GLG1: variants seen among roughly 807,000 people sequenced by gnomAD.
GLG1 encodes the protein Golgi apparatus protein 1.
In GLG1, 38 loss-of-function variants were observed where a neutral mutation model predicts 160.5. The observed-to-expected ratio is 0.24, with a 90% CI of 0.18 to 0.31. GLG1 has a LOEUF of 0.31. GLG1 is among the 10% of genes least tolerant of loss of function. The pLI, the probability that GLG1 is intolerant of heterozygous loss-of-function variation, is 1.00. For missense variants in GLG1, 1,373 were observed against 1,505.2 expected (o/e 0.91, Z 1.45); for synonymous variants, 644 against 543.4 (o/e 1.19, Z -2.57).
rs2017667827 is a variant in GLG1 at position 74,535,632 on chromosome 16, C to T, written c.439-3479G>A. ...AAATTTTATTGTACAGACCGGGTCTCGCTATGTTGCCTAGGCTGATCTCAA... is the reference window on the plus strand; with the variant it reads ...AAATTTTATTGTACAGACCGGGTCTTGCTATGTTGCCTAGGCTGATCTCAA... On this transcript the variant is annotated intron_variant, in intron 1 of 25. Transcript: ENST00000422840. Among the ~76,000 whole-genome samples the T allele has an allele frequency of 4.6e-5, 7 of 152,108 alleles. 1 individual carries two copies. In the South Asian group the frequency reaches 1.5e-3, roughly 32 times the overall value.
At chr16:74,544,328 T>C (rs2017983101) in intron 1 of GLG1, among the ~76,000 whole-genome samples, 2 of 152,320 alleles carry the variant, frequency 1.3e-5, no homozygotes, top group Middle Eastern at 3.4e-3. Context: ...GTTTTGTTGT[T>C]TTGAGACAGA....
chr16:74,495,863 A>G (rs1012118276), intron 5 of GLG1, among the ~76,000 whole-genome samples: 1 of 152,230 alleles, frequency 6.6e-6, no homozygotes, highest in Non-Finnish European at 1.5e-5. Flanking sequence ...ATCAAGGTTG[A>G]GCATCCAGTT....
At chr16:74,520,736 T>C (rs2017137261) in intron 2 of GLG1, among the ~76,000 whole-genome samples, 1 of 152,194 alleles carries the variant, frequency 6.6e-6, no homozygotes, top group African/African-American at 2.4e-5. Context: ...GGATATCATT[T>C]TTCGGTAAGC....
chr16:74,497,673 G>A (rs372015872), intron 4 of GLG1, among the ~76,000 whole-genome samples: 42 of 152,122 alleles, frequency 2.8e-4, no homozygotes, highest in African/African-American at 1.0e-3. Context: ...TCCTGACCTC[G>A]TGATCCGCCC....
intron 2 of GLG1, among the ~76,000 whole-genome samples, chr16:74,520,633 T>C (rs1383331568): frequency 6.6e-6 from 1 of 152,096 alleles, no homozygotes; most frequent in Non-Finnish European, 1.5e-5. Context: ...CGAAACTCCA[T>C]CTCAAACGAC....
chr16:74,529,809 G>GTTTTTTT lies in GLG1; in HGVS notation c.471+2311_471+2312insAAAAAAA, dbSNP rs201693911. On this transcript the variant is annotated intron_variant, in intron 2 of 25. Transcript: ENST00000422840. The stretch of plus-strand genomic sequence containing the variant: ...CTTCCTATTCCTTGGCTCTTTGAGA[G>GTTTTTTT]TTCTTTTTTTTTTTTTTTTTTTTTT... Among the ~76,000 whole-genome samples the GTTTTTTT allele has an allele frequency of 2.2e-3, 224 of 104,064 alleles. 22 individuals carry two copies. Among genetic ancestry groups the GTTTTTTT allele is most frequent in the Admixed American group, 3.2e-3 (25 of 7,744 alleles). 68.3% of individuals were successfully genotyped at this position (104,064 alleles called of 152,430 possible). A position where few individuals can be genotyped will look rare whatever the true frequency, so the allele number is the denominator to read the frequency against.
intron 1 of GLG1, among the ~76,000 whole-genome samples, chr16:74,560,872 A>T (rs1029167075): frequency 3.9e-5 from 6 of 152,178 alleles, no homozygotes; most frequent in Non-Finnish European, 7.4e-5. Context: ...GAGAGAAGCA[A>T]TTCTGTATAT....
At chr16:74,604,113 C>T (rs1958507905) in intron 1 of GLG1, among the ~76,000 whole-genome samples, 1 of 152,092 alleles carries the variant, frequency 6.6e-6, no homozygotes, top group Non-Finnish European at 1.5e-5. Context: ...CTCTCAAACC[C>T]AGAAGACTGA....
chr16:74,518,552 A>G (rs1159180570), intron 2 of GLG1, among the ~76,000 whole-genome samples: 1 of 152,240 alleles, frequency 6.6e-6, no homozygotes, highest in Admixed American at 6.5e-5. Flanking sequence ...AATAAACTCA[A>G]GATGGATCAA....
In GLG1 at chr16:74,594,479, A is replaced by C. The variant is rs535529637; in HGVS notation, c.438+12178T>G. Among the ~76,000 whole-genome samples, 7 of 152,332 alleles carry C rather than the reference A, an allele frequency of 4.6e-5. No individual in the cohort carries two copies. The South Asian group carries it at 1.2e-3, about 27-fold the overall frequency. On this transcript the variant is annotated intron_variant, in intron 1 of 25. Coordinates refer to ENST00000422840, the MANE Select transcript of GLG1 (RefSeq NM_001145667.2). Reference sequence around the variant, plus strand: ...TCTTAAGTCATTGTTTTTAGATTCCAGTCCACACTCCTTGTTCCTTCACAC... The same window carrying C: ...TCTTAAGTCATTGTTTTTAGATTCCCGTCCACACTCCTTGTTCCTTCACAC...
chr16:74,582,828 TAAATA>T (rs144626583), intron 1 of GLG1, among the ~76,000 whole-genome samples: 21,191 of 147,180 alleles, frequency 0.14, 1,561 homozygotes, highest in Middle Eastern at 0.18. Flanking sequence ...CTCAAAAAAA[TAAATA>T]AAATAAAATA....
intron 1 of GLG1, among the ~76,000 whole-genome samples, chr16:74,580,853 C>T (rs989468581): frequency 6.6e-6 from 1 of 152,066 alleles, no homozygotes; most frequent in African/African-American, 2.4e-5. Context: ...CAAGGATCAC[C>T]TGAGGTCAGG....
intron 1 of GLG1, among the ~76,000 whole-genome samples, chr16:74,585,086 C>A (rs1958017783): frequency 6.6e-6 from 1 of 151,240 alleles, no homozygotes; most frequent in African/African-American, 2.4e-5. Context: ...AAAACCCTAT[C>A]TTTAAATCGC....
At chr16:74,518,555 T>C (rs1025429096) in intron 2 of GLG1, among the ~76,000 whole-genome samples, 1 of 152,090 alleles carries the variant, frequency 6.6e-6, no homozygotes, top group Non-Finnish European at 1.5e-5. Flanking sequence ...AAACTCAAGA[T>C]GGATCAAAGG....
At chr16:74,554,837 G>T (rs1425263387) in intron 1 of GLG1, among the ~76,000 whole-genome samples, 1 of 152,088 alleles carries the variant, frequency 6.6e-6, no homozygotes, top group African/African-American at 2.4e-5. Flanking sequence ...CCCAAATAAA[G>T]ATCACACACT....
At chr16:74,482,079 C>T (rs1181597226) in intron 10 of GLG1, among the ~76,000 whole-genome samples, 1 of 152,030 alleles carries the variant, frequency 6.6e-6, no homozygotes, top group East Asian at 1.9e-4. Context: ...TGAGCCACCG[C>T]GCCCGGTTCA....
chr16:74,463,670 G>A (rs751847692), intron 19 of GLG1, among the ~76,000 whole-genome samples, 191 bp from the exon 20 acceptor site: 1 of 151,978 alleles, frequency 6.6e-6, no homozygotes, highest in Non-Finnish European at 1.5e-5. Context: ...TCCCAAGTCA[G>A]CCTCCTGAGT....
chr16:74,479,473 C>T (rs1053937858), intron 11 of GLG1, among the ~76,000 whole-genome samples: 1 of 151,376 alleles, frequency 6.6e-6, no homozygotes, highest in Admixed American at 6.6e-5. Context: ...CAAATTCCCA[C>T]GTTTTCTCAC....
At chr16:74,507,842 T>C (rs1040133792) in intron 3 of GLG1, among the ~76,000 whole-genome samples, 7 of 152,210 alleles carry the variant, frequency 4.6e-5, no homozygotes, top group Non-Finnish European at 7.4e-5. Flanking sequence ...AGTTCAGTTA[T>C]TAAGCAAACA....
Sources: gnomAD v4.1 joint callset for allele counts (sites outside exome capture counted in the v4.1 genomes callset) on GRCh38, gnomAD v4.1.1 for gene constraint, MANE v1.5 for transcripts, NCBI Gene and HGNC (gene_info 2026-07-23, HGNC 2026-07-21) for gene names.